CADPS2: variants seen among roughly 807,000 people sequenced by gnomAD.
CADPS2 encodes calcium-dependent secretion activator 2.
In CADPS2, 93 loss-of-function variants were observed where a neutral mutation model predicts 172.5. The observed-to-expected ratio is 0.54, with a 90% CI of 0.46 to 0.64. CADPS2 has a LOEUF of 0.64. Ranked by LOEUF, CADPS2 falls within the 30% of genes least tolerant of loss-of-function variation. The probability of loss-of-function intolerance (pLI) is 0.00; values close to 1 mark genes in which losing one functional copy is unlikely to be tolerated. For missense variants in CADPS2, 1,420 were observed against 1,565.9 expected, an observed-to-expected ratio of 0.91 and a Z score of 1.57; for synonymous variants, 546 against 555.2, an observed-to-expected ratio of 0.98 and a Z score of 0.23.
rs139533088 is a variant in CADPS2 at position 122,850,064 on chromosome 7, C to T, written c.339+35935G>A. 1.0e-3 allele frequency: 1,426 copies of T among 1,363,436 alleles called. 13 individuals are homozygous for T. In the African/African-American group the frequency reaches 0.02, roughly 19 times the overall value. 84.5% of individuals were successfully genotyped at this position (1,363,436 alleles called of 1,614,324 possible). On this transcript the variant is annotated intron_variant, in intron 1 of 29. Coordinates refer to ENST00000449022, the MANE Select transcript of CADPS2 (RefSeq NM_017954.11). ...AGTTTGATGATGAAGACCTGGGGGCCTTGCTTGGCAACAGCACAGACCCAG... is the reference window on the plus strand; with the variant it reads ...AGTTTGATGATGAAGACCTGGGGGCTTTGCTTGGCAACAGCACAGACCCAG...
At position 122,471,493 on chromosome 7, in the gene CADPS2, G is replaced by C. The variant is rs1458676264; in HGVS notation, c.2068C>G (p.His690Asp). 9 of 1,612,520 alleles carry C rather than the reference G, an allele frequency of 5.6e-6. No homozygotes were observed. The highest frequency in any genetic ancestry group is 6.8e-6 in the Non-Finnish European group (8 of 1,179,370). Residue 690 changes from histidine to aspartate, a missense_variant, in exon 14 of 30, where the codon CAC (histidine) becomes GAC (aspartate). Physicochemically the swap from His to Asp is moderately conservative, Grantham distance 81 (BLOSUM62 -1). Coordinates refer to ENST00000449022, the MANE Select transcript of CADPS2 (RefSeq NM_017954.11). ...YCARYGVRGC[H>D]RHLCYLAELM... The stretch of plus-strand genomic sequence containing the variant: ...TCTGCAAGGTAGCAGAGATGTCTGT[G>C]ACAGCCTCTCACACCATAACGGGCA...
Position 122,361,104 on chromosome 7 carries a change from G to A in CADPS2, c.3388-91C>T, listed in dbSNP as rs185742511. ...AATTCCTGAATCAATTTCTTCCATC[G>A]CACAAAAATTCACAATGAATGAACT... On this transcript the variant is annotated intron_variant, in intron 25 of 29. Coordinates refer to ENST00000449022, the MANE Select transcript of CADPS2 (RefSeq NM_017954.11). The A allele has an allele frequency of 1.5e-4, 165 of 1,074,066 alleles. No individual in the cohort carries two copies. In the African/African-American group the frequency reaches 2.0e-3, roughly 13 times the overall value. 66.5% of individuals were successfully genotyped at this position (1,074,066 alleles called of 1,614,324 possible). A position where few individuals can be genotyped will look rare whatever the true frequency, so the allele number is the denominator to read the frequency against.
At chr7:122,832,995 A>T (rs1227917317) in intron 1 of CADPS2, among the ~76,000 whole-genome samples, 9 of 152,224 alleles carry the variant, frequency 5.9e-5, no homozygotes. Flanking sequence ...GCAATATGGC[A>T]TTCTAACATC....
intron 1 of CADPS2, among the ~76,000 whole-genome samples, chr7:122,831,497 A>T (rs1241455533): frequency 6.6e-6 from 1 of 152,232 alleles, no homozygotes; most frequent in African/African-American, 2.4e-5. Flanking sequence ...TTTTAAAGTA[A>T]AAGGACCTGA....
chr7:122,476,533 A>T (rs2056638992), intron 12 of CADPS2, among the ~76,000 whole-genome samples: 1 of 152,320 alleles, frequency 6.6e-6, no homozygotes. Flanking sequence ...ATACAATTCC[A>T]AACTATATAT....
intron 15 of CADPS2, among the ~76,000 whole-genome samples, chr7:122,442,028 G>T (rs1209175311): frequency 1.3e-5 from 2 of 152,104 alleles, no homozygotes; most frequent in African/African-American, 4.8e-5. Flanking sequence ...GCTGACATTT[G>T]CCTGTCTACC....
chr7:122,782,193 C>A (rs1306574931), intron 1 of CADPS2, among the ~76,000 whole-genome samples: 1 of 152,036 alleles, frequency 6.6e-6, no homozygotes, highest in African/African-American at 2.4e-5. Flanking sequence ...TTCCATAATT[C>A]TACTTTTTAA....
intron 24 of CADPS2, among the ~76,000 whole-genome samples, chr7:122,384,497 T>C (rs190477039): frequency 6.6e-6 from 1 of 152,264 alleles, no homozygotes; most frequent in Admixed American, 6.5e-5. Context: ...GTAATGTATA[T>C]ACTAATTTTC....
At chr7:122,423,985 T>C (rs754714397) in intron 17 of CADPS2, among the ~76,000 whole-genome samples, 1 of 152,180 alleles carries the variant, frequency 6.6e-6, no homozygotes, top group African/African-American at 2.4e-5. Flanking sequence ...ATAAACCTCA[T>C]TTCAGGTAAA....
At chr7:122,813,111 C>A (rs1800447924) in intron 1 of CADPS2, among the ~76,000 whole-genome samples, 1 of 151,922 alleles carries the variant, frequency 6.6e-6, no homozygotes, top group Admixed American at 6.6e-5. Flanking sequence ...CAAAGCAGCA[C>A]AGGTACGGAA....
At chr7:122,724,280 T>C (rs1241107200) in intron 2 of CADPS2, among the ~76,000 whole-genome samples, 1 of 152,068 alleles carries the variant, frequency 6.6e-6, no homozygotes, top group Non-Finnish European at 1.5e-5. Context: ...TGTTCATCTT[T>C]TTATTTCCAG....
At chr7:122,472,966 T>C (rs1286573537) in intron 13 of CADPS2, among the ~76,000 whole-genome samples, 2 of 151,982 alleles carry the variant, frequency 1.3e-5, no homozygotes, top group South Asian at 2.1e-4. Context: ...TTGCATGAAG[T>C]TTCAGGTTGA....
chr7:122,665,340 T>C (rs1384626207), intron 2 of CADPS2, among the ~76,000 whole-genome samples: 2 of 152,162 alleles, frequency 1.3e-5, no homozygotes, highest in African/African-American at 2.4e-5. Flanking sequence ...TTTTCTTGTT[T>C]CCTATCTTTA....
intron 11 of CADPS2, among the ~76,000 whole-genome samples, chr7:122,487,192 T>C (rs1195794650): frequency 6.6e-6 from 1 of 151,870 alleles, no homozygotes; most frequent in African/African-American, 2.4e-5. Context: ...GCATTTTTTG[T>C]AGATACAGGG....
At chr7:122,778,431 A>C (rs1051462058) in intron 1 of CADPS2, among the ~76,000 whole-genome samples, 6 of 152,200 alleles carry the variant, frequency 3.9e-5, no homozygotes, top group African/African-American at 1.2e-4. Flanking sequence ...CTGTTGCAAA[A>C]ATTTGCCCAA....
At chr7:122,824,715 G>C (rs1358123727) in intron 1 of CADPS2, among the ~76,000 whole-genome samples, 1 of 152,168 alleles carries the variant, frequency 6.6e-6, no homozygotes, top group Non-Finnish European at 1.5e-5. Flanking sequence ...TGCCATGTCA[G>C]TGTATTAAGA....
intron 2 of CADPS2, among the ~76,000 whole-genome samples, chr7:122,706,182 TATATATGCTTATATATTCAAGGAATAC>T (rs2087417672): frequency 2.6e-4 from 2 of 7,712 alleles, no homozygotes; most frequent in African/African-American, 6.9e-4. Context: ...AAGGAATACA[TATATATGCTTATATATTCAAGGAATAC>T]ATATATGCTT....
In CADPS2 at chr7:122,504,049, T is replaced by C. The variant is rs139216422; in HGVS notation, c.1542+9200A>G. Among the ~76,000 whole-genome samples, 94 of 152,338 alleles carry C rather than the reference T, an allele frequency of 6.2e-4. 1 individual carries two copies. The highest frequency in any genetic ancestry group is 2.0e-3 in the African/African-American group (82 of 41,574). Reference sequence around the variant, plus strand: ...AGATAAACCAGGTTTAACAGATCAATCTGCTATGTCAAATGCAAATTCCAC... The same window carrying C: ...AGATAAACCAGGTTTAACAGATCAACCTGCTATGTCAAATGCAAATTCCAC... On this transcript the variant is annotated intron_variant, in intron 9 of 29. Coordinates refer to ENST00000449022, the MANE Select transcript of CADPS2 (RefSeq NM_017954.11).
At position 122,490,061 on chromosome 7, in the gene CADPS2, TA is replaced by T. The variant is rs1163575363; in HGVS notation, c.1852+19del. 1.2e-6 allele frequency: 2 copies of T among 1,607,528 alleles called. No individual in the cohort carries two copies. The highest frequency in any genetic ancestry group is 8.5e-7 in the Non-Finnish European group (1 of 1,174,796). ...TAAGGCTATTAATTGATAATCAAAT[TA>T]TTTTTTAACAAAACTTACAAAGCTG... On this transcript the variant is annotated intron_variant, in intron 11 of 29. Coordinates refer to ENST00000449022, the MANE Select transcript of CADPS2 (RefSeq NM_017954.11).
Sources: gnomAD v4.1 joint callset for allele counts (sites outside exome capture counted in the v4.1 genomes callset) on GRCh38, gnomAD v4.1.1 for gene constraint, MANE v1.5 for transcripts, NCBI Gene and HGNC (gene_info 2026-07-23, HGNC 2026-07-21) for gene names.